The following SUCLG2 variants were observed in gnomAD, a reference collection of about 807,000 sequenced individuals.
SUCLG2 encodes the protein succinate-CoA ligase GDP-forming subunit beta, also known as succinate--CoA ligase [GDP-forming] subunit beta, mitochondrial.
SUCLG2 carries 42 observed loss-of-function variants against 47.9 expected under a neutral mutation model. The ratio of observed to expected loss-of-function variants is 0.88; its 90% CI spans 0.69 to 1.14. The LOEUF (loss-of-function observed/expected upper bound fraction) is 1.14. SUCLG2 is among the 50% of genes most tolerant of loss of function. The probability of loss-of-function intolerance (pLI) is 0.00; values close to 1 mark genes in which losing one functional copy is unlikely to be tolerated. For synonymous variants in SUCLG2, 195 were observed against 197.3 expected (o/e 0.99, Z 0.10); for missense variants, 571 against 525.9 (o/e 1.09, Z -0.84).
rs180923050 is a variant in SUCLG2 at position 67,493,482 on chromosome 3, T to A, written c.1062+2316A>T. 3.3e-5 allele frequency among the ~76,000 whole-genome samples: 5 copies of A among 152,288 alleles called. No individual in the cohort carries two copies. In the East Asian group the frequency reaches 5.8e-4, roughly 18 times the overall value. ...AAATTTTGGAAGAGAGTGGTTTTTT[T>A]AAAAGAAAAATGGCTCTGACAGTAA... On this transcript the variant is annotated intron_variant, in intron 9 of 10. Transcript: ENST00000307227.
At chr3:67,579,786 A>G (rs2634733) in intron 2 of SUCLG2, among the ~76,000 whole-genome samples, 144,869 of 152,306 alleles carry the variant, frequency 0.95, 69,323 homozygotes, top group Non-Finnish European at 1. Context: ...CAAAGATACT[A>G]CGATGTTATC....
intron 9 of SUCLG2, 31 bp downstream of exon 9, chr3:67,495,767 C>T: frequency 1.2e-6 from 2 of 1,611,178 alleles, no homozygotes. Flanking sequence ...TTAAAACTGG[C>T]ATATAATCTC....
At chr3:67,420,857 A>T (rs923106541) in intron 9 of SUCLG2, among the ~76,000 whole-genome samples, 6 of 152,234 alleles carry the variant, frequency 3.9e-5, no homozygotes, top group African/African-American at 1.4e-4. Flanking sequence ...AATGAGAGTT[A>T]GTAAGAAACA....
chr3:67,629,129 A>G (rs1700884736), intron 1 of SUCLG2, among the ~76,000 whole-genome samples: 1 of 152,232 alleles, frequency 6.6e-6, no homozygotes, highest in Non-Finnish European at 1.5e-5. Context: ...TATTGAGTTA[A>G]GCACTGGCAA....
chr3:67,520,759 G>T, intron 4 of SUCLG2, 125 bp from the exon 5 acceptor site: 1 of 1,104,444 alleles, frequency 9.1e-7, no homozygotes, highest in South Asian at 1.6e-5. Context: ...CAGGGAGTGA[G>T]TTTGCAGAGC....
At chr3:67,613,055 G>A (rs572778232) in intron 1 of SUCLG2, among the ~76,000 whole-genome samples, 17 of 152,220 alleles carry the variant, frequency 1.1e-4, no homozygotes, top group East Asian at 1.9e-4. Context: ...TGCAGATACC[G>A]CCACATATTT....
At chr3:67,590,305 A>C (rs539017259) in intron 2 of SUCLG2, among the ~76,000 whole-genome samples, 1 of 152,332 alleles carries the variant, frequency 6.6e-6, no homozygotes, top group East Asian at 1.9e-4. Flanking sequence ...AATTTCCATC[A>C]CCAATTCCAA....
intron 10 of SUCLG2, among the ~76,000 whole-genome samples, chr3:67,361,171 A>C (rs1189358835): frequency 1.3e-5 from 2 of 152,164 alleles, no homozygotes; most frequent in Admixed American, 1.3e-4. Flanking sequence ...ATGCCGGAAA[A>C]AAAAAAAAAT....
chr3:67,629,655 G>A (rs1192622106), intron 1 of SUCLG2, among the ~76,000 whole-genome samples: 1 of 152,116 alleles, frequency 6.6e-6, no homozygotes, highest in East Asian at 1.9e-4. Context: ...ACTTAGAGGT[G>A]TTGGGGTAGG....
chr3:67,377,541 G>A (rs1405924126), intron 10 of SUCLG2, among the ~76,000 whole-genome samples: 2 of 152,210 alleles, frequency 1.3e-5, no homozygotes, highest in Admixed American at 1.3e-4. Context: ...ATGTCACATG[G>A]CCATGACAAT....
At chr3:67,417,603 TA>T (rs1703064988) in intron 9 of SUCLG2, among the ~76,000 whole-genome samples, 1 of 152,200 alleles carries the variant, frequency 6.6e-6, no homozygotes, top group South Asian at 2.1e-4. Flanking sequence ...GATTCTTTAG[TA>T]AAACGTAGAC....
At chr3:67,609,991 A>G (rs934846372) in intron 1 of SUCLG2, among the ~76,000 whole-genome samples, 1 of 152,218 alleles carries the variant, frequency 6.6e-6, no homozygotes, top group Non-Finnish European at 1.5e-5. Context: ...TGAGTCTACA[A>G]GTATTTCAAC....
At chr3:67,558,107 T>C (rs1374493463) in intron 2 of SUCLG2, among the ~76,000 whole-genome samples, 1 of 152,160 alleles carries the variant, frequency 6.6e-6, no homozygotes, top group African/African-American at 2.4e-5. Context: ...GTCTCCTATA[T>C]GAGTTTATAG....
At chr3:67,427,094 G>A (rs569730129) in intron 9 of SUCLG2, among the ~76,000 whole-genome samples, 5 of 152,246 alleles carry the variant, frequency 3.3e-5, no homozygotes, top group Admixed American at 6.5e-5. Flanking sequence ...CTGAAAGAAC[G>A]GTTTTTTTGC....
rs555218099 is a variant in SUCLG2 at position 67,540,892 on chromosome 3, T to TA, written c.227-11707dup. 1.1e-4 allele frequency among the ~76,000 whole-genome samples: 16 copies of TA among 152,294 alleles called. No homozygotes were observed. In the East Asian group the frequency reaches 3.1e-3, roughly 29 times the overall value. On this transcript the variant is annotated intron_variant, in intron 2 of 10. Coordinates refer to ENST00000307227, the MANE Select transcript of SUCLG2 (RefSeq NM_003848.4). ...GCTGTTCTGCATCCTCCACTAGTGATACTCAGGCAAACAGGTTCTGTAGTG... is the reference window on the plus strand; with the variant it reads ...GCTGTTCTGCATCCTCCACTAGTGATAACTCAGGCAAACAGGTTCTGTAGTG...
chr3:67,547,038 G>A (rs1397561527), intron 2 of SUCLG2, among the ~76,000 whole-genome samples: 2 of 152,160 alleles, frequency 1.3e-5, no homozygotes, highest in African/African-American at 4.8e-5. Context: ...CTCTGCTATG[G>A]TCTGAATGTT....
chr3:67,541,114 AG>A lies in SUCLG2; in HGVS notation c.227-11929del, dbSNP rs901075244. ...AAGATAAGGAAGAACCAGTACAAAA[AG>A]GCTGAAAATTCCAAAAACCAGAACA... On this transcript the variant is annotated intron_variant, in intron 2 of 10. Transcript: ENST00000307227. Among the ~76,000 whole-genome samples, 31 of 152,330 alleles carry A rather than the reference AG, an allele frequency of 2.0e-4. 1 individual carries two copies. The highest frequency in any genetic ancestry group is 1.8e-3 in the Admixed American group (27 of 15,302).
At position 67,463,569 on chromosome 3, in the gene SUCLG2, C is replaced by G. The variant is rs552790651; in HGVS notation, c.1062+32229G>C. Among the ~76,000 whole-genome samples, 25 of 152,278 alleles carry G rather than the reference C, an allele frequency of 1.6e-4. No individual in the cohort carries two copies. The South Asian group carries it at 5.2e-3, about 32-fold the overall frequency. ...TAAATGCTTACCTAATTTATACTTT[C>G]TTAATAAATAAGGAGAAGAGTATCT... On this transcript the variant is annotated intron_variant, in intron 9 of 10. Transcript: ENST00000307227.
At chr3:67,525,778 C>T (rs1294736559) in intron 4 of SUCLG2, among the ~76,000 whole-genome samples, 2 of 152,096 alleles carry the variant, frequency 1.3e-5, no homozygotes, top group African/African-American at 4.8e-5. Flanking sequence ...GAAATATTGA[C>T]GTATTGGACT....
Sources: gnomAD v4.1 joint callset for allele counts (sites outside exome capture counted in the v4.1 genomes callset) on GRCh38, gnomAD v4.1.1 for gene constraint, MANE v1.5 for transcripts, NCBI Gene and HGNC (gene_info 2026-07-23, HGNC 2026-07-21) for gene names.